NXPH1: variants seen among roughly 807,000 people sequenced by gnomAD.
NXPH1 encodes neurexophilin 1.
Under a neutral mutation model 23.7 loss-of-function variants are expected in NXPH1, and 5 were observed. The ratio of observed to expected loss-of-function variants is 0.21; its 90% confidence interval spans 0.11 to 0.44. The LOEUF is 0.44. NXPH1 is among the 20% of genes least tolerant of loss of function. NXPH1 has a pLI of 0.99. For missense variants in NXPH1, 324 were observed against 321.6 expected (o/e 1.01, Z -0.06); for synonymous variants, 144 against 122.2 (o/e 1.18, Z -1.18).
At chr7:8,481,733 A>G (rs1817075965) in intron 2 of NXPH1, among the ~76,000 whole-genome samples, 2 of 152,178 alleles carry the variant, frequency 1.3e-5, no homozygotes, top group Admixed American at 6.5e-5. Context: ...TTACCTGGGT[A>G]TATTGCATAA....
intron 2 of NXPH1, among the ~76,000 whole-genome samples, chr7:8,485,545 A>G (rs1183546052): frequency 6.6e-6 from 1 of 152,018 alleles, no homozygotes; most frequent in African/African-American, 2.4e-5. Flanking sequence ...GGCACAAACA[A>G]TGACTCTGTT....
intron 2 of NXPH1, among the ~76,000 whole-genome samples, chr7:8,606,520 A>G (rs779569676): frequency 5.3e-5 from 8 of 152,162 alleles, no homozygotes; most frequent in Non-Finnish European, 1.2e-4. Context: ...CTGCTGAGCT[A>G]AAAACATAAT....
chr7:8,612,799 T>G (rs571432738), intron 2 of NXPH1, among the ~76,000 whole-genome samples: 7 of 152,058 alleles, frequency 4.6e-5, no homozygotes, highest in Non-Finnish European at 1.0e-4. Flanking sequence ...GAGGTCAGCC[T>G]TCTTGGCGAG....
At chr7:8,610,624 C>T (rs1253729313) in intron 2 of NXPH1, among the ~76,000 whole-genome samples, 1 of 151,472 alleles carries the variant, frequency 6.6e-6, no homozygotes, top group African/African-American at 2.4e-5. Context: ...ATGTAGATCC[C>T]CAGATGATAA....
intron 2 of NXPH1, among the ~76,000 whole-genome samples, chr7:8,736,055 T>C (rs937794817): frequency 6.6e-6 from 1 of 152,090 alleles, no homozygotes; most frequent in African/African-American, 2.4e-5. Flanking sequence ...AGCCATGTAT[T>C]TTGTTAATCT....
chr7:8,451,379 C>A (rs371892709), intron 2 of NXPH1, among the ~76,000 whole-genome samples: 1 of 152,130 alleles, frequency 6.6e-6, no homozygotes, highest in African/African-American at 2.4e-5. Context: ...ACCTGTCAGC[C>A]GCTTCCGAAG....
intron 2 of NXPH1, among the ~76,000 whole-genome samples, chr7:8,733,472 G>A (rs981387765): frequency 9.9e-5 from 15 of 152,148 alleles, no homozygotes; most frequent in African/African-American, 3.6e-4. Flanking sequence ...TTCCTCAATG[G>A]TTGAGCTAAT....
chr7:8,500,715 C>G (rs1042135869), intron 2 of NXPH1, among the ~76,000 whole-genome samples: 1 of 152,114 alleles, frequency 6.6e-6, no homozygotes, highest in South Asian at 2.1e-4. Context: ...TCTGTAACCA[C>G]TGGAACCAGC....
intron 2 of NXPH1, among the ~76,000 whole-genome samples, chr7:8,574,375 A>T (rs151020959): frequency 4.7e-4 from 71 of 152,136 alleles, no homozygotes; most frequent in Admixed American, 2.1e-3. Context: ...CAGCCTCCCA[A>T]GTAGCTGGGA....
In NXPH1 at chr7:8,751,221, T is replaced by G. The variant is rs769185045; in HGVS notation, c.268T>G (p.Trp90Gly). The G allele has an allele frequency of 1.7e-5, 27 of 1,613,792 alleles. No individual in the cohort carries two copies. In the Admixed American group the frequency reaches 3.7e-4, roughly 22 times the overall value. ...TTATTCTGAGCAAGACCTCTGGGAC[T>G]GGCTGAGGAACTCCACAGACCTTCA... is the stretch of plus-strand genomic sequence containing the variant. ...EPYSEQDLWD[W>G]LRNSTDLQEP... The change falls in exon 3 of 3, where the codon TGG becomes GGG. Residue 90 changes from tryptophan to glycine, a missense_variant. Transcript: ENST00000405863. The surrounding 1 kb of genome is among the most constrained non-coding windows in gnomAD (Gnocchi z 4.5).
chr7:8,459,681 G>C (rs78751688), intron 2 of NXPH1, among the ~76,000 whole-genome samples: 1 of 152,088 alleles, frequency 6.6e-6, no homozygotes, highest in African/African-American at 2.4e-5. Flanking sequence ...AAGAGACTGA[G>C]GTTGGGGCAG....
intron 2 of NXPH1, among the ~76,000 whole-genome samples, chr7:8,539,169 T>G (rs897743617): frequency 2.6e-5 from 4 of 151,448 alleles, no homozygotes; most frequent in Admixed American, 2.0e-4. Context: ...AGGGGAGGAG[T>G]TGATGGTGGT....
At chr7:8,476,067 A>C (rs1816965501) in intron 2 of NXPH1, among the ~76,000 whole-genome samples, 1 of 152,144 alleles carries the variant, frequency 6.6e-6, no homozygotes, top group African/African-American at 2.4e-5. Flanking sequence ...TAATGTTCTG[A>C]AAGTAATTTG....
chr7:8,523,160 C>T (rs751528762), intron 2 of NXPH1, among the ~76,000 whole-genome samples: 24 of 152,152 alleles, frequency 1.6e-4, no homozygotes, highest in Non-Finnish European at 2.9e-4. Context: ...CAGTTTAGTC[C>T]AGTACTTCCT....
intron 2 of NXPH1, among the ~76,000 whole-genome samples, chr7:8,604,796 TTTC>T (rs1417719405): frequency 1.3e-5 from 2 of 152,260 alleles, no homozygotes; most frequent in Middle Eastern, 3.4e-3. Flanking sequence ...TGAATACACA[TTTC>T]TTACAAATTT....
intron 2 of NXPH1, among the ~76,000 whole-genome samples, chr7:8,748,999 C>G (rs749364284): frequency 1.1e-4 from 17 of 152,244 alleles, no homozygotes; most frequent in Admixed American, 2.6e-4. Context: ...AGCTTTTGTT[C>G]TAGTTGAGAT....
intron 2 of NXPH1, among the ~76,000 whole-genome samples, chr7:8,616,380 G>A (rs1168233160): frequency 4.0e-5 from 6 of 151,876 alleles, no homozygotes; most frequent in Admixed American, 1.3e-4. Flanking sequence ...ACTCCTCATT[G>A]CCCTTATGCT....
At chr7:8,702,645 G>A (rs10279398) in intron 2 of NXPH1, among the ~76,000 whole-genome samples, 5,765 of 152,052 alleles carry the variant, frequency 0.038, 314 homozygotes, top group African/African-American at 0.12. Context: ...GGACAATAAT[G>A]GTGAGACAAA....
intron 2 of NXPH1, among the ~76,000 whole-genome samples, chr7:8,736,700 C>A (rs530556762): frequency 4.6e-5 from 7 of 152,182 alleles, no homozygotes; most frequent in Non-Finnish European, 7.3e-5. Flanking sequence ...TTTTCTGTCT[C>A]ATTGATCTGT....
Sources: allele counts gnomAD v4.1 joint callset (sites outside exome capture counted in the v4.1 genomes callset), GRCh38; gene constraint gnomAD v4.1.1; non-coding constraint Gnocchi (gnomAD v3.1); transcripts MANE v1.5; gene names NCBI Gene and HGNC (gene_info 2026-07-23, HGNC 2026-07-21).